Variants in CNTN4 observed in about 807,000 individuals in gnomAD.
The protein encoded by CNTN4 is contactin 4, also known as contactin-4.
CNTN4 carries 77 observed loss-of-function variants against 122.5 expected under a neutral mutation model. The observed-to-expected ratio is 0.63, with a 90% confidence interval of 0.52 to 0.76. The LOEUF is 0.76. Among genes scored for constraint, CNTN4 ranks in the 30% least tolerant of loss-of-function variants. CNTN4 has a pLI of 0.00. For synonymous variants in CNTN4, 512 were observed against 447.0 expected (o/e 1.15, Z -1.83); for missense variants, 1,256 against 1,259.1 (o/e 1.00, Z 0.04).
At chr3:2,103,402 C>G (rs2032158616) in intron 2 of CNTN4, among the ~76,000 whole-genome samples, 1 of 152,180 alleles carries the variant, frequency 6.6e-6, no homozygotes, top group African/African-American at 2.4e-5. Context: ...AGTAACTCCC[C>G]CCACTTACAC....
At chr3:2,473,328 A>C (rs1041531728) in intron 3 of CNTN4, among the ~76,000 whole-genome samples, 6 of 151,638 alleles carry the variant, frequency 4.0e-5, no homozygotes, top group Non-Finnish European at 5.9e-5. Context: ...TGGCTTCCTC[A>C]ATTCCACCTG....
intron 2 of CNTN4, among the ~76,000 whole-genome samples, chr3:2,203,718 A>G (rs923718893): frequency 3.2e-4 from 48 of 152,142 alleles, no homozygotes; most frequent in Non-Finnish European, 1.5e-5. Context: ...AAAGAGAAAA[A>G]GCTAGAACAT....
intron 10 of CNTN4, among the ~76,000 whole-genome samples, chr3:2,899,900 C>T (rs895008951): frequency 6.6e-6 from 1 of 152,122 alleles, no homozygotes; most frequent in Non-Finnish European, 1.5e-5. Flanking sequence ...AGAAAGGAAT[C>T]ATAAAATTGA....
At chr3:3,029,399 A>T (rs1280115095) in intron 15 of CNTN4, among the ~76,000 whole-genome samples, 3 of 152,196 alleles carry the variant, frequency 2.0e-5, no homozygotes, top group Non-Finnish European at 4.4e-5. Flanking sequence ...GAAAGTCAGT[A>T]AATCAAGGCC....
chr3:2,953,425 G>A (rs2094766770), intron 13 of CNTN4, among the ~76,000 whole-genome samples: 2 of 150,018 alleles, frequency 1.3e-5, no homozygotes, highest in African/African-American at 4.9e-5. Context: ...GACCGCATAG[G>A]CCCCTGGTTT....
intron 2 of CNTN4, among the ~76,000 whole-genome samples, chr3:2,202,265 C>G (rs913726197): frequency 6.6e-6 from 1 of 152,164 alleles, no homozygotes; most frequent in Non-Finnish European, 1.5e-5. Context: ...GGTTCCCTAT[C>G]TTTAAGGTTC....
intron 2 of CNTN4, among the ~76,000 whole-genome samples, chr3:2,218,579 CAT>C (rs769079627): frequency 7.9e-5 from 12 of 152,246 alleles, no homozygotes; most frequent in South Asian, 2.1e-4. Flanking sequence ...CAAGTCTAAA[CAT>C]GTAGAAATTT....
chr3:2,359,828 G>C (rs193015391), intron 3 of CNTN4, among the ~76,000 whole-genome samples: 63 of 152,238 alleles, frequency 4.1e-4, no homozygotes, highest in Admixed American at 1.2e-3. Flanking sequence ...CGAGAGCCAC[G>C]GCACCTGGCC....
chr3:2,751,906 G>T (rs9848877), intron 6 of CNTN4, among the ~76,000 whole-genome samples: 152,279 of 152,284 alleles, frequency 1, 76,137 homozygotes, highest in Non-Finnish European at 1. Flanking sequence ...TAAGTTTAGA[G>T]GGAATCAAAT....
At chr3:2,397,643 A>C (rs1188089372) in intron 3 of CNTN4, among the ~76,000 whole-genome samples, 4 of 152,126 alleles carry the variant, frequency 2.6e-5, no homozygotes, top group Non-Finnish European at 5.9e-5. Context: ...AGTAACACCT[A>C]AGCTGTAATG....
chr3:2,739,768 T>C (rs771355586), intron 5 of CNTN4, among the ~76,000 whole-genome samples: 3 of 152,204 alleles, frequency 2.0e-5, no homozygotes, highest in Non-Finnish European at 4.4e-5. Flanking sequence ...GATGCAGTTA[T>C]CGTTGCACAT....
chr3:3,028,787 G>C (rs7649063), intron 15 of CNTN4, among the ~76,000 whole-genome samples: 2 of 151,912 alleles, frequency 1.3e-5, no homozygotes, highest in East Asian at 3.9e-4. Flanking sequence ...ATCATTTATC[G>C]GGTACTTTCT....
intron 2 of CNTN4, among the ~76,000 whole-genome samples, chr3:2,198,897 C>G (rs947795625): frequency 2.0e-5 from 3 of 152,162 alleles, no homozygotes; most frequent in Non-Finnish European, 4.4e-5. Context: ...AATATACCAG[C>G]CGAGGGCCAC....
Position 3,026,237 on chromosome 3 carries a change from A to T in CNTN4, c.1622A>T (p.Asp541Val). The change falls in exon 15 of 25, where the codon GAC (aspartate) becomes GTC (valine). Residue 541 changes from aspartate (D) to valine (V), a missense_variant. Physicochemically the swap from Asp to Val is radical, Grantham distance 152. Coordinates refer to ENST00000418658, the MANE Select transcript of CNTN4 (RefSeq NM_175607.3). Reference sequence around the variant, plus strand: ...TGGTCATTTAATGGACACCTGATAGACTTTGACAGAGATGGGGACCACTTT... The same window carrying T: ...TGGTCATTTAATGGACACCTGATAGTCTTTGACAGAGATGGGGACCACTTT... ...FTWSFNGHLI[D>V]FDRDGDHFER... The T allele has an allele frequency of 6.2e-7, 1 of 1,613,516 alleles. No individual in the cohort carries two copies. Among genetic ancestry groups the T allele is most frequent in the Non-Finnish European group, 8.5e-7 (1 of 1,179,556 alleles).
chr3:2,741,012 T>G (rs947440277), intron 5 of CNTN4, among the ~76,000 whole-genome samples: 1 of 152,212 alleles, frequency 6.6e-6, no homozygotes, highest in Non-Finnish European at 1.5e-5. Flanking sequence ...AGAATTTTCA[T>G]CCAAGATTCA....
chr3:2,174,536 G>T (rs764406223), intron 2 of CNTN4, among the ~76,000 whole-genome samples: 99 of 152,222 alleles, frequency 6.5e-4, no homozygotes, highest in African/African-American at 2.3e-3. Context: ...GAGTCTCTTT[G>T]ATGAGGGCAC....
chr3:2,769,333 C>T (rs7630268), intron 6 of CNTN4, among the ~76,000 whole-genome samples: 13,755 of 151,812 alleles, frequency 0.091, 675 homozygotes, highest in African/African-American at 0.1. Flanking sequence ...GGCGTGGTGG[C>T]GCACACCTGT....
intron 3 of CNTN4, among the ~76,000 whole-genome samples, chr3:2,421,727 C>T (rs541636957): frequency 1.3e-5 from 2 of 152,292 alleles, no homozygotes; most frequent in Non-Finnish European, 2.9e-5. Flanking sequence ...AACACCAAGA[C>T]CATTTGTAAT....
intron 8 of CNTN4, among the ~76,000 whole-genome samples, chr3:2,871,987 T>A (rs1291496690): frequency 6.6e-6 from 1 of 152,132 alleles, no homozygotes; most frequent in East Asian, 1.9e-4. Flanking sequence ...TTAGGAACCA[T>A]GAGAGGGAGA....
Sources: gnomAD v4.1 joint callset for allele counts (sites outside exome capture counted in the v4.1 genomes callset) on GRCh38, gnomAD v4.1.1 for gene constraint, MANE v1.5 for transcripts, NCBI Gene and HGNC (gene_info 2026-07-23, HGNC 2026-07-21) for gene names.